DENND4C: variants seen among roughly 807,000 people sequenced by gnomAD.
DENND4C encodes DENN domain containing 4C.
A neutral mutation model predicts 203.0 loss-of-function variants in DENND4C; 108 were observed. That is an observed-to-expected ratio of 0.53 (90% CI 0.46 to 0.62). The LOEUF (loss-of-function observed/expected upper bound fraction) is 0.62, where lower values mean the gene tolerates loss of function less well. Among genes scored for constraint, DENND4C ranks in the 20% least tolerant of loss-of-function variants. DENND4C has a pLI of 0.00. For missense variants in DENND4C, 2,481 were observed against 2,301.2 expected (o/e 1.08, Z -1.60); for synonymous variants, 871 against 792.4 (o/e 1.10, Z -1.67).
chr9:19,338,121 A>G (rs898069607), intron 20 of DENND4C, among the ~76,000 whole-genome samples: 11 of 152,198 alleles, frequency 7.2e-5, no homozygotes, highest in Admixed American at 1.3e-4. Flanking sequence ...GTTTGTAATT[A>G]ACTTCCTCAG....
chr9:19,326,081 A>C lies in DENND4C; in HGVS notation c.2007A>C (p.Ala669=). Residue 669 remains alanine (A), a synonymous_variant, in exon 15 of 33, where the codon GCA becomes GCC. Transcript: ENST00000434457. The part of the protein sequence containing the change: ...EKTDKVDFDS[A]EDTRLIELDD... ...ATTTTCAGGTTGATTTTGATTCAGCAGAAGATACCAGATTGATAGAACTAG... is the reference window on the plus strand; with the variant it reads ...ATTTTCAGGTTGATTTTGATTCAGCCGAAGATACCAGATTGATAGAACTAG... 1 of 1,610,548 alleles carries C rather than the reference A, an allele frequency of 6.2e-7. No individual in the cohort carries two copies. The highest frequency in any genetic ancestry group is 1.1e-5 in the South Asian group (1 of 89,946).
At chr9:19,283,520 G>T (rs1487953176) in intron 2 of DENND4C, among the ~76,000 whole-genome samples, 1 of 151,710 alleles carries the variant, frequency 6.6e-6, no homozygotes, top group Non-Finnish European at 1.5e-5. Context: ...GTCTGTGCTT[G>T]CATCATCATT....
intron 16 of DENND4C, 143 bp from the exon 17 acceptor site, chr9:19,331,835 A>C (rs1819283737): frequency 1.5e-6 from 1 of 654,552 alleles, no homozygotes; most frequent in African/African-American, 1.8e-5. Context: ...ATAAGCAGGA[A>C]GCCACTCACA....
In DENND4C at chr9:19,352,592, G is replaced by A; in HGVS notation, c.4708G>A (p.Ala1570Thr). The A allele has an allele frequency of 6.2e-7, 1 of 1,613,680 alleles. No homozygotes were observed. Among genetic ancestry groups the A allele is most frequent in the Non-Finnish European group, 8.5e-7 (1 of 1,179,744 alleles). The change falls in exon 26 of 33, where the codon GCT becomes ACT. Residue 1570 changes from alanine (A) to threonine (T), a missense_variant. By Grantham distance (58) the Ala-to-Thr change is moderately conservative. Coordinates refer to ENST00000434457, the MANE Select transcript of DENND4C (RefSeq NM_001330640.2). ...AGCAGATGACTCAAATTTGAATACAGCTTGTCCATTCTGTAAAAGCAACTT... is the reference window on the plus strand; with the variant it reads ...AGCAGATGACTCAAATTTGAATACAACTTGTCCATTCTGTAAAAGCAACTT... ...WTADDSNLNT[A>T]CPFCKSNFLP...
chr9:19,256,230 A>G (rs1827886961), intron 1 of DENND4C, among the ~76,000 whole-genome samples: 1 of 152,082 alleles, frequency 6.6e-6, no homozygotes, highest in East Asian at 1.9e-4. Context: ...AAAATTCCCA[A>G]GTACTGAATT....
intron 9 of DENND4C, 37 bp downstream of exon 9, chr9:19,300,368 G>T: frequency 6.9e-7 from 1 of 1,453,086 alleles, no homozygotes; most frequent in East Asian, 2.4e-5. Flanking sequence ...CAAAATTACT[G>T]ACATAATTTT....
At position 19,346,456 on chromosome 9, in the gene DENND4C, T is replaced by A; in HGVS notation, c.3687T>A (p.Asn1229Lys). 5.6e-6 allele frequency: 9 copies of A among 1,614,162 alleles called. No individual in the cohort carries two copies. The highest frequency in any genetic ancestry group is 7.6e-6 in the Non-Finnish European group (9 of 1,180,034). ...DLKTVSKDLR[N>K]KRSSLYGIAK... is the part of the protein sequence containing the mutation. ...AAACAGTATCCAAAGATCTGAGGAA[T>A]AAGAGAAGTAGTTTATATGGTATTG... is the stretch of plus-strand genomic sequence containing the variant. The change falls in exon 23 of 33, where the codon AAT becomes AAA. Residue 1229 changes from asparagine to lysine, a missense_variant. By Grantham distance (94) the Asn-to-Lys change is moderately conservative. Coordinates refer to ENST00000434457, the MANE Select transcript of DENND4C (RefSeq NM_001330640.2).
intron 26 of DENND4C, among the ~76,000 whole-genome samples, chr9:19,353,504 T>C (rs1427205568): frequency 6.6e-6 from 1 of 152,178 alleles, no homozygotes; most frequent in East Asian, 1.9e-4. Context: ...GGCGTGCGCC[T>C]GTAGTCCCAG....
intron 10 of DENND4C, among the ~76,000 whole-genome samples, chr9:19,314,023 A>G (rs987392676): frequency 2.6e-5 from 4 of 152,292 alleles, no homozygotes; most frequent in East Asian, 3.9e-4. Flanking sequence ...AAGAGGTTGC[A>G]GTGAGCTGAG....
chr9:19,370,472 G>A (rs1013175504), intron 31 of DENND4C, among the ~76,000 whole-genome samples: 2 of 152,000 alleles, frequency 1.3e-5, no homozygotes, highest in African/African-American at 4.8e-5. Flanking sequence ...AAAAAAGAGT[G>A]GAAATAGATT....
rs746016723 is a variant in DENND4C at position 19,358,019 on chromosome 9, G to A, written c.5019G>A (p.Val1673=). 11 of 1,613,712 alleles carry A rather than the reference G, an allele frequency of 6.8e-6. No homozygotes were observed. In the South Asian group the frequency reaches 9.9e-5, roughly 15 times the overall value. Residue 1673 remains valine, a synonymous_variant, in exon 28 of 33, where the codon GTG becomes GTA. Transcript: ENST00000434457. The surrounding 1 kb of genome is among the most constrained non-coding windows in gnomAD (Gnocchi z 4.8). ...GDVQTMKISS[V]PNSLSKRNVS... Reference sequence around the variant, plus strand: ...TCCAAACTATGAAAATTTCATCTGTGCCTAATAGTTTATCAAAGCGAAATG... The same window carrying A: ...TCCAAACTATGAAAATTTCATCTGTACCTAATAGTTTATCAAAGCGAAATG...
Position 19,245,347 on chromosome 9 carries a change from G to T in DENND4C, c.-18+14514G>T, listed in dbSNP as rs539512451. Among the ~76,000 whole-genome samples, 9 of 151,848 alleles carry T rather than the reference G, an allele frequency of 5.9e-5. No homozygotes were observed. The South Asian group carries it at 1.5e-3, about 25-fold the overall frequency. On this transcript the variant is annotated intron_variant, in intron 1 of 32. Transcript: ENST00000434457. ...CTGGGCATGGTGGGAGGCACCTGTA[G>T]TCCCAGCTACTCGGGAGGCTGAGGC...
intron 1 of DENND4C, among the ~76,000 whole-genome samples, chr9:19,235,245 G>A (rs1021811149): frequency 5.9e-5 from 9 of 152,212 alleles, no homozygotes; most frequent in Non-Finnish European, 1.3e-4. Flanking sequence ...GATTACAGGC[G>A]TGAGCCACCA....
At chr9:19,298,721 A>G (rs868687855) in intron 7 of DENND4C, among the ~76,000 whole-genome samples, 1 of 152,156 alleles carries the variant, frequency 6.6e-6, no homozygotes, top group African/African-American at 2.4e-5. Context: ...GACCATAACA[A>G]TTAACTTACT....
intron 21 of DENND4C, among the ~76,000 whole-genome samples, chr9:19,341,938 C>T (rs1318906218): frequency 2.0e-5 from 3 of 151,992 alleles, no homozygotes; most frequent in Non-Finnish European, 2.9e-5. Context: ...GCCTGGCCAA[C>T]GTGGCGAAAC....
rs1275550625 is a variant in DENND4C at position 19,298,111 on chromosome 9, A to G, written c.1096A>G (p.Ile366Val). 1.2e-6 allele frequency: 2 copies of G among 1,609,208 alleles called. No homozygotes were observed. Among genetic ancestry groups the G allele is most frequent in the South Asian group, 1.1e-5 (1 of 89,694 alleles). Residue 366 changes from isoleucine (I) to valine (V), a missense_variant, in exon 7 of 33, where the codon ATC becomes GTC. Coordinates refer to ENST00000434457, the MANE Select transcript of DENND4C (RefSeq NM_001330640.2). ...TTTTCCTTCACCACAAAGACCGAGA[A>G]TCCTTGTCCAGGTAATCAAAAGAGA... ...IPFPSPQRPR[I>V]LVQLSVHDAL...
At chr9:19,335,814 A>C (rs563145329) in intron 18 of DENND4C, among the ~76,000 whole-genome samples, 10 of 152,296 alleles carry the variant, frequency 6.6e-5, no homozygotes, top group African/African-American at 2.4e-4. Flanking sequence ...TGCTGCAATA[A>C]ACATGGGAGT....
intron 26 of DENND4C, among the ~76,000 whole-genome samples, chr9:19,354,916 GTT>G (rs11372435): frequency 1.5e-5 from 2 of 135,224 alleles, no homozygotes. Context: ...TTGGCTGTTT[GTT>G]TTTTTTTTTG....
chr9:19,357,635 A>G (rs912557821), intron 27 of DENND4C: 1 of 234,066 alleles, frequency 4.3e-6, no homozygotes, highest in African/African-American at 2.3e-5. Context: ...ACTTATTTGC[A>G]TATAGCATAC....
Sources: allele counts gnomAD v4.1 joint callset (sites outside exome capture counted in the v4.1 genomes callset), GRCh38; gene constraint gnomAD v4.1.1; non-coding constraint Gnocchi (gnomAD v3.1); transcripts MANE v1.5; gene names NCBI Gene and HGNC (gene_info 2026-07-23, HGNC 2026-07-21).